PTPRG: variants seen among roughly 807,000 people sequenced by gnomAD.
The protein encoded by PTPRG is receptor-type tyrosine-protein phosphatase gamma.
Under a neutral mutation model 165.3 loss-of-function variants are expected in PTPRG, and 102 were observed. The observed-to-expected ratio is 0.62, with a 90% CI of 0.53 to 0.73. PTPRG has a LOEUF of 0.73. PTPRG is among the 30% of genes least tolerant of loss of function. PTPRG has a pLI of 0.00. For synonymous variants in PTPRG, 675 were observed against 669.5 expected, an observed-to-expected ratio of 1.01 and a Z score of -0.13; for missense variants, 1,866 against 1,861.4, an observed-to-expected ratio of 1.00 and a Z score of -0.05.
At chr3:62,157,728 G>A (rs1417124319) in intron 7 of PTPRG, among the ~76,000 whole-genome samples, 2 of 152,124 alleles carry the variant, frequency 1.3e-5, no homozygotes, top group African/African-American at 4.8e-5. Flanking sequence ...ACCATGCCAT[G>A]GTGTCTGATT....
At chr3:61,835,396 C>T (rs1377491379) in intron 2 of PTPRG, among the ~76,000 whole-genome samples, 9 of 152,066 alleles carry the variant, frequency 5.9e-5, no homozygotes, top group Admixed American at 2.0e-4. Context: ...TGCAGTGGTG[C>T]GATCTCAGCT....
chr3:61,943,596 T>G (rs181305375), intron 2 of PTPRG, among the ~76,000 whole-genome samples: 2 of 152,250 alleles, frequency 1.3e-5, no homozygotes, highest in Admixed American at 6.5e-5. Context: ...AATAATAATT[T>G]TTACCTTGTA....
At chr3:61,873,244 A>G (rs1400475465) in intron 2 of PTPRG, among the ~76,000 whole-genome samples, 1 of 152,184 alleles carries the variant, frequency 6.6e-6, no homozygotes, top group Non-Finnish European at 1.5e-5. Flanking sequence ...AGCCTCAATG[A>G]CATTCACCAG....
intron 8 of PTPRG, among the ~76,000 whole-genome samples, chr3:62,180,781 G>A (rs1355918485): frequency 6.6e-5 from 10 of 152,276 alleles, no homozygotes; most frequent in Non-Finnish European, 1.5e-5. Flanking sequence ...AGCTCTCAGA[G>A]GAAGAGGGAT....
At chr3:61,752,949 C>G (rs2033502193) in intron 2 of PTPRG, among the ~76,000 whole-genome samples, 1 of 152,056 alleles carries the variant, frequency 6.6e-6, no homozygotes, top group Non-Finnish European at 1.5e-5. Flanking sequence ...TTGGAAAATG[C>G]AGACACCTTA....
At chr3:61,957,157 A>G (rs1033375407) in intron 2 of PTPRG, among the ~76,000 whole-genome samples, 1 of 152,232 alleles carries the variant, frequency 6.6e-6, no homozygotes, top group Non-Finnish European at 1.5e-5. Flanking sequence ...AATTAATGCT[A>G]AATTAAAATA....
chr3:62,205,316 A>C (rs1040102934), intron 12 of PTPRG, among the ~76,000 whole-genome samples: 7 of 152,122 alleles, frequency 4.6e-5, no homozygotes, highest in Admixed American at 2.0e-4. Context: ...AATTACTTTG[A>C]AAAAGTTGAA....
At chr3:61,853,259 C>A (rs1208247252) in intron 2 of PTPRG, among the ~76,000 whole-genome samples, 1 of 152,166 alleles carries the variant, frequency 6.6e-6, no homozygotes, top group Non-Finnish European at 1.5e-5. Context: ...ATCCCCACTT[C>A]CAGGTATTCA....
intron 4 of PTPRG, among the ~76,000 whole-genome samples, chr3:62,039,332 TA>T (rs1485350655): frequency 1.3e-5 from 2 of 151,886 alleles, no homozygotes; most frequent in East Asian, 1.9e-4. Flanking sequence ...CAACTTAAGT[TA>T]AAAAAAATTT....
chr3:61,831,895 T>A (rs2036306582), intron 2 of PTPRG, among the ~76,000 whole-genome samples: 1 of 152,156 alleles, frequency 6.6e-6, no homozygotes, highest in African/African-American at 2.4e-5. Context: ...TCTAATTGGT[T>A]CAGATGAGAA....
At chr3:61,883,910 C>G (rs747319361) in intron 2 of PTPRG, among the ~76,000 whole-genome samples, 1 of 152,134 alleles carries the variant, frequency 6.6e-6, no homozygotes, top group African/African-American at 2.4e-5. Flanking sequence ...GAGACAGGGT[C>G]TTACCATGTT....
intron 15 of PTPRG, among the ~76,000 whole-genome samples, chr3:62,251,206 C>T (rs897663972): frequency 1.3e-5 from 2 of 152,226 alleles, no homozygotes; most frequent in Non-Finnish European, 2.9e-5. Flanking sequence ...GCCTGGACAA[C>T]ATAGTGAGAC....
intron 2 of PTPRG, among the ~76,000 whole-genome samples, chr3:61,765,317 C>T (rs976057947): frequency 1.3e-5 from 2 of 152,130 alleles, no homozygotes; most frequent in South Asian, 2.1e-4. Flanking sequence ...AAGCCTACCT[C>T]GTAATGTCAC....
intron 4 of PTPRG, among the ~76,000 whole-genome samples, chr3:62,032,478 G>C (rs1337312687): frequency 6.6e-6 from 1 of 152,192 alleles, no homozygotes; most frequent in Non-Finnish European, 1.5e-5. Flanking sequence ...TGGCAACTCA[G>C]TAGAGCCTTT....
At chr3:61,791,711 C>T (rs1483173252) in intron 2 of PTPRG, among the ~76,000 whole-genome samples, 2 of 152,214 alleles carry the variant, frequency 1.3e-5, no homozygotes, top group Admixed American at 6.5e-5. Context: ...TGGTCTCAAA[C>T]TCCTGACCTC....
chr3:61,653,771 C>T (rs1002655176), intron 1 of PTPRG, among the ~76,000 whole-genome samples: 3 of 152,004 alleles, frequency 2.0e-5, no homozygotes, highest in Admixed American at 1.3e-4. Context: ...AAGGGAGGCT[C>T]TAGAATCTGC....
Position 62,237,802 on chromosome 3 carries a change from C to CT in PTPRG, c.2376-6003dup, listed in dbSNP as rs1407508259. Among the ~76,000 whole-genome samples, 1 of 152,172 alleles carries CT rather than the reference C, an allele frequency of 6.6e-6. No individual in the cohort carries two copies. Among genetic ancestry groups the CT allele is most frequent in the African/African-American group, 2.4e-5 (1 of 41,454 alleles). On this transcript the variant is annotated intron_variant, in intron 14 of 29. Coordinates refer to ENST00000474889, the MANE Select transcript of PTPRG (RefSeq NM_002841.4). The surrounding 1 kb of genome is among the most constrained non-coding windows in gnomAD (Gnocchi z 4.5). ...CTGGACCACAGGTGTGGGTTGTGGGCTTGAGACCCAGAAAACTGCTAACCA... is the reference window on the plus strand; with the variant it reads ...CTGGACCACAGGTGTGGGTTGTGGGCTTTGAGACCCAGAAAACTGCTAACCA...
chr3:61,786,117 C>G (rs2034692852), intron 2 of PTPRG, among the ~76,000 whole-genome samples: 1 of 152,108 alleles, frequency 6.6e-6, no homozygotes, highest in East Asian at 1.9e-4. Context: ...TCATCATTTA[C>G]TATGGAAATA....
chr3:62,179,418 G>T (rs558557138), intron 8 of PTPRG, among the ~76,000 whole-genome samples: 1 of 152,344 alleles, frequency 6.6e-6, no homozygotes, highest in Admixed American at 6.5e-5. Flanking sequence ...AGAAGGCGCT[G>T]CCTGTATGTC....
Sources: gnomAD v4.1 joint callset for allele counts (sites outside exome capture counted in the v4.1 genomes callset) on GRCh38, gnomAD v4.1.1 for gene constraint, Gnocchi (gnomAD v3.1) non-coding constraint, MANE v1.5 for transcripts, NCBI Gene and HGNC (gene_info 2026-07-23, HGNC 2026-07-21) for gene names.